TMX3: variants seen among roughly 807,000 people sequenced by gnomAD.
TMX3 encodes protein disulfide-isomerase TMX3.
TMX3 carries 40 observed loss-of-function variants against 64.4 expected under a neutral mutation model. That is an observed-to-expected ratio of 0.62 (90% CI 0.48 to 0.81). The LOEUF is 0.81. Among genes scored for constraint, TMX3 ranks in the 30% least tolerant of loss-of-function variants. The pLI is 0.00. For synonymous variants in TMX3, 189 were observed against 175.7 expected (o/e 1.08, Z -0.60); for missense variants, 497 against 534.5 (o/e 0.93, Z 0.69).
intron 13 of TMX3, among the ~76,000 whole-genome samples, chr18:68,682,038 G>A (rs962609284): frequency 1.3e-5 from 2 of 152,154 alleles, no homozygotes; most frequent in African/African-American, 4.8e-5. Flanking sequence ...CCACCTTAGT[G>A]TGCACTGGGT....
chr18:68,685,136 T>C (rs1284592956), intron 10 of TMX3, among the ~76,000 whole-genome samples: 1 of 152,128 alleles, frequency 6.6e-6, no homozygotes, highest in Non-Finnish European at 1.5e-5. Context: ...GCAGTGTCTA[T>C]CATGTTCTAG....
Position 68,707,923 on chromosome 18 carries a change from A to G in TMX3, c.265+2098T>C, listed in dbSNP as rs1044703974. Among the ~76,000 whole-genome samples the G allele has an allele frequency of 1.1e-3, 167 of 149,092 alleles. 1 individual carries two copies. Among genetic ancestry groups the G allele is most frequent in the African/African-American group, 3.8e-3 (157 of 40,790 alleles). ...ATCTAATCAACATATATATGTGTGTATATGTGTATATATGTGTATATATAT... is the reference window on the plus strand; with the variant it reads ...ATCTAATCAACATATATATGTGTGTGTATGTGTATATATGTGTATATATAT... On this transcript the variant is annotated intron_variant, in intron 4 of 15. Transcript: ENST00000299608.
chr18:68,684,907 T>C (rs997740723), intron 10 of TMX3, among the ~76,000 whole-genome samples: 7 of 152,194 alleles, frequency 4.6e-5, no homozygotes, highest in Admixed American at 1.3e-4. Flanking sequence ...TCTAAAACAA[T>C]GGTCTAGAAG....
chr18:68,714,895 C>A, intron 1 of TMX3, 41 bp downstream of exon 1: 2 of 1,548,386 alleles, frequency 1.3e-6, no homozygotes. Context: ...GGGCCAGGTC[C>A]CACGCGCCCG....
At chr18:68,686,327 C>T (rs993794578) in intron 10 of TMX3, among the ~76,000 whole-genome samples, 6 of 152,188 alleles carry the variant, frequency 3.9e-5, no homozygotes, top group African/African-American at 1.4e-4. Context: ...GTTTTAATCA[C>T]CTCAAGGTCA....
rs1423632722 is a variant in TMX3 at position 68,703,470 on chromosome 18, T to C, written c.266-1680A>G. ...CCATGATAAGCCTCAGAGAGAAAAA[T>C]CCCAGCTCCACACTTAACCCTATTA... On this transcript the variant is annotated intron_variant, in intron 4 of 15. Coordinates refer to ENST00000299608, the MANE Select transcript of TMX3 (RefSeq NM_019022.5). Among the ~76,000 whole-genome samples, 3 of 152,074 alleles carry C rather than the reference T, an allele frequency of 2.0e-5. No individual in the cohort carries two copies. In the East Asian group the frequency reaches 5.8e-4, roughly 29 times the overall value.
intron 12 of TMX3, among the ~76,000 whole-genome samples, chr18:68,683,297 C>G (rs1913624347): frequency 6.6e-6 from 1 of 151,912 alleles, no homozygotes; most frequent in African/African-American, 2.4e-5. Flanking sequence ...AGAAAAATTC[C>G]TATTTTCTCT....
Position 68,711,421 on chromosome 18 carries a change from A to G in TMX3, c.102-18T>C. 1 of 1,566,612 alleles carries G rather than the reference A, an allele frequency of 6.4e-7. No individual in the cohort carries two copies. Among genetic ancestry groups the G allele is most frequent in the Non-Finnish European group, 8.7e-7 (1 of 1,145,150 alleles). On this transcript the variant is annotated intron_variant, in intron 2 of 15. Coordinates refer to ENST00000299608, the MANE Select transcript of TMX3 (RefSeq NM_019022.5). ...CTTTAAACCTAAAAAACAAGAAAAC[A>G]AATGTTTGATTGTATGTTTGTGTCC...
chr18:68,676,817 A>G lies in TMX3; in HGVS notation c.*116T>C. ...TACTTTAATCCATGCAGTTGATATT[A>G]GCAAAATACGAATAACATGTTCTTT... On this transcript the variant is annotated 3_prime_UTR_variant, in exon 16 of 16. Transcript: ENST00000299608. 7.5e-7 allele frequency: 1 copy of G among 1,329,612 alleles called. No homozygotes were observed. Among genetic ancestry groups the G allele is most frequent in the South Asian group, 1.5e-5 (1 of 66,454 alleles). 82.4% of individuals were successfully genotyped at this position (1,329,612 alleles called of 1,614,324 possible). A position where few individuals can be genotyped will look rare whatever the true frequency, so the allele number is the denominator to read the frequency against.
chr18:68,700,245 T>G (rs1204438915), intron 6 of TMX3, among the ~76,000 whole-genome samples, 160 bp downstream of exon 6: 2 of 152,166 alleles, frequency 1.3e-5, no homozygotes, highest in East Asian at 3.8e-4. Flanking sequence ...AGTATTTCTT[T>G]GGATACGCTG....
At chr18:68,701,401 A>G (rs1218938356) in intron 5 of TMX3, among the ~76,000 whole-genome samples, 1 of 152,240 alleles carries the variant, frequency 6.6e-6, no homozygotes, top group Non-Finnish European at 1.5e-5. Context: ...ACACCTACAG[A>G]TTAGAGTATC....
intron 11 of TMX3, 28 bp downstream of exon 11, chr18:68,684,400 A>G: frequency 6.2e-7 from 1 of 1,600,072 alleles, no homozygotes; most frequent in Non-Finnish European, 8.6e-7. Context: ...GAACATTTGA[A>G]GCTTAAAACT....
At chr18:68,687,365 A>G in intron 10 of TMX3, 1 of 985,394 alleles carries the variant, frequency 1.0e-6, no homozygotes. Context: ...CTATTACAAA[A>G]TCAGTTCTGA....
At chr18:68,693,947 C>T (rs572669177) in intron 8 of TMX3, among the ~76,000 whole-genome samples, 5 of 152,218 alleles carry the variant, frequency 3.3e-5, no homozygotes, top group African/African-American at 1.2e-4. Flanking sequence ...CACGTAAAAA[C>T]CCCAGACTAA....
chr18:68,684,508 T>G, intron 10 of TMX3, 23 bp from the exon 11 acceptor site: 4 of 1,604,340 alleles, frequency 2.5e-6, no homozygotes, highest in Non-Finnish European at 3.4e-6. Context: ...ATGACACATC[T>G]GAATTCAATC....
At chr18:68,707,408 GA>G (rs2030785410) in intron 4 of TMX3, among the ~76,000 whole-genome samples, 1 of 152,020 alleles carries the variant, frequency 6.6e-6, no homozygotes, top group South Asian at 2.1e-4. Flanking sequence ...AGTGTCTCAG[GA>G]AAACAATCTT....
chr18:68,680,446 A>G (rs918331746), intron 14 of TMX3, among the ~76,000 whole-genome samples: 7 of 152,162 alleles, frequency 4.6e-5, no homozygotes, highest in Non-Finnish European at 1.0e-4. Flanking sequence ...AATTAAGACT[A>G]TTCACTTATT....
chr18:68,710,368 T>C (rs1450601952), intron 3 of TMX3, among the ~76,000 whole-genome samples: 1 of 152,190 alleles, frequency 6.6e-6, no homozygotes, highest in Non-Finnish European at 1.5e-5. Context: ...CTTAAGCTCA[T>C]TTTAATTGAC....
In TMX3 at chr18:68,700,489, TAAAAA is replaced by T; in HGVS notation, c.312-9_312-5del. The T allele has an allele frequency of 8.6e-7, 1 of 1,169,070 alleles. No individual in the cohort carries two copies. Among genetic ancestry groups the T allele is most frequent in the Non-Finnish European group, 1.2e-6 (1 of 862,632 alleles). The allele number at this position is 1,169,070 out of a possible 1,614,324, so 72.4% of individuals were successfully genotyped here. A position where few individuals can be genotyped will look rare whatever the true frequency, so the allele number is the denominator to read the frequency against. ...ATATGCCAAGTCCCCTTTTAATCTTTAAAAAAAAAAAAAAATTAAAACCTGGATTG... is the reference window on the plus strand; with the variant it reads ...ATATGCCAAGTCCCCTTTTAATCTTTAAAAAAAAAATTAAAACCTGGATTG... On this transcript the variant is annotated splice_region_variant and splice_polypyrimidine_tract_variant and intron_variant, in intron 5 of 15. Transcript: ENST00000299608.
Sources: allele counts gnomAD v4.1 joint callset (sites outside exome capture counted in the v4.1 genomes callset), GRCh38; gene constraint gnomAD v4.1.1; transcripts MANE v1.5; gene names NCBI Gene and HGNC (gene_info 2026-07-23, HGNC 2026-07-21).